Variants in LRRFIP2 observed in about 807,000 individuals in gnomAD.
LRRFIP2 encodes leucine-rich repeat flightless-interacting protein 2.
LRRFIP2 carries 109 observed loss-of-function variants against 125.9 expected under a neutral mutation model. That is an observed-to-expected ratio of 0.87 (90% CI 0.74 to 1.01). The LOEUF is 1.01. Among genes scored for constraint, LRRFIP2 ranks in the 50% least tolerant of loss-of-function variants. The probability of loss-of-function intolerance (pLI) is 0.00; values close to 1 mark genes in which losing one functional copy is unlikely to be tolerated. For synonymous variants in LRRFIP2, 291 were observed against 293.1 expected, an observed-to-expected ratio of 0.99 and a Z score of 0.07; for missense variants, 850 against 862.3, an observed-to-expected ratio of 0.99 and a Z score of 0.18.
chr3:37,082,680 T>C (rs1559756809), intron 19 of LRRFIP2, among the ~76,000 whole-genome samples: 1 of 152,222 alleles, frequency 6.6e-6, no homozygotes, highest in Non-Finnish European at 1.5e-5. Context: ...AAATCCTCTG[T>C]GCTCTGGTCT....
At chr3:37,096,451 C>G (rs1338206600) in intron 16 of LRRFIP2, among the ~76,000 whole-genome samples, 165 bp downstream of exon 16, 3 of 152,128 alleles carry the variant, frequency 2.0e-5, no homozygotes, top group Non-Finnish European at 4.4e-5. Context: ...CAGGGCCTCA[C>G]ATGATTTAAC....
At chr3:37,119,879 C>T (rs1188208249) in intron 6 of LRRFIP2, among the ~76,000 whole-genome samples, 1 of 151,980 alleles carries the variant, frequency 6.6e-6, no homozygotes, top group African/African-American at 2.4e-5. Context: ...CCAGGTTGGT[C>T]TGGAACTCTG....
intron 1 of LRRFIP2, among the ~76,000 whole-genome samples, chr3:37,161,553 G>A (rs1006621154): frequency 1.3e-5 from 2 of 152,016 alleles, no homozygotes; most frequent in Non-Finnish European, 2.9e-5. Flanking sequence ...ACAAAGTCTC[G>A]GGTAAAGAGG....
Position 37,108,482 on chromosome 3 carries a change from C to T in LRRFIP2, c.657+155G>A, listed in dbSNP as rs571233843. Among the ~76,000 whole-genome samples, 241 of 152,326 alleles carry T rather than the reference C, an allele frequency of 1.6e-3. 1 individual carries two copies. Among genetic ancestry groups the T allele is most frequent in the African/African-American group, 5.5e-3 (228 of 41,588 alleles). ...GAGTCACAACTGGCTAGCTCAATGA[C>T]TTGATCACAGCTTAGAGAGTAATTC... On this transcript the variant is annotated intron_variant, in intron 12 of 27. Coordinates refer to ENST00000336686, the MANE Select transcript of LRRFIP2 (RefSeq NM_006309.4).
intron 2 of LRRFIP2, among the ~76,000 whole-genome samples, chr3:37,143,306 T>A (rs1006130426): frequency 6.6e-6 from 1 of 152,214 alleles, no homozygotes; most frequent in Non-Finnish European, 1.5e-5. Context: ...TATGTTGAAT[T>A]CTCCATCTAC....
intron 1 of LRRFIP2, among the ~76,000 whole-genome samples, chr3:37,165,065 C>G (rs2096443791): frequency 6.6e-6 from 1 of 151,882 alleles, no homozygotes; most frequent in South Asian, 2.1e-4. Flanking sequence ...GAAACCCCAT[C>G]TCTACTAAAA....
intron 7 of LRRFIP2, 110 bp downstream of exon 7, chr3:37,114,944 C>T: frequency 4.7e-6 from 4 of 842,740 alleles, no homozygotes; most frequent in East Asian, 2.5e-5. Context: ...ACACATTTTC[C>T]CCAAAAGTTC....
intron 21 of LRRFIP2, among the ~76,000 whole-genome samples, chr3:37,070,592 C>T (rs941229479): frequency 7.9e-5 from 12 of 151,658 alleles, no homozygotes; most frequent in African/African-American, 2.7e-4. Flanking sequence ...AAAAATTAGC[C>T]GGACGTGGTG....
rs1303087385 is a variant in LRRFIP2, at chr3:37,108,769, C to T, written c.610-85G>A. 194 of 1,166,098 alleles carry T rather than the reference C, an allele frequency of 1.7e-4. 3 individuals are homozygous for T. The South Asian group carries it at 2.3e-3, about 14-fold the overall frequency. 72.2% of individuals were successfully genotyped at this position (1,166,098 alleles called of 1,614,324 possible). ...TTAATGTTTTCACAATACTCAGTAC[C>T]AAAAAAGTTTTGGAGAATGATATAA... is the stretch of plus-strand genomic sequence containing the variant. On this transcript the variant is annotated intron_variant, in intron 11 of 27. Transcript: ENST00000336686.
intron 13 of LRRFIP2, among the ~76,000 whole-genome samples, chr3:37,107,579 TA>T (rs1441277952): frequency 2.6e-5 from 4 of 152,218 alleles, no homozygotes; most frequent in African/African-American, 9.6e-5. Flanking sequence ...TATAAACTTT[TA>T]AAAATACTCT....
intron 2 of LRRFIP2, among the ~76,000 whole-genome samples, chr3:37,132,516 G>T (rs1211615287): frequency 6.6e-6 from 1 of 152,168 alleles, no homozygotes; most frequent in Non-Finnish European, 1.5e-5. Context: ...CCTTCCCTTT[G>T]TTACTTAGCC....
chr3:37,075,233 T>G, intron 19 of LRRFIP2, 117 bp from the exon 20 acceptor site: 1 of 539,744 alleles, frequency 1.9e-6, no homozygotes, highest in Non-Finnish European at 3.2e-6. Context: ...AACTCCTGAT[T>G]CATAGTAACT....
chr3:37,062,769 ACAT>A lies in LRRFIP2; in HGVS notation c.1749+970_1749+972del, dbSNP rs751202619. 5.3e-5 allele frequency among the ~76,000 whole-genome samples: 8 copies of A among 152,328 alleles called. 1 individual carries two copies. The South Asian group carries it at 8.3e-4, about 16-fold the overall frequency. ...AATCAAGTGAGAGGGTAGAATGAAG[ACAT>A]CTTCAGGCCTGCAAGGTCATGAAAA... On this transcript the variant is annotated intron_variant, in intron 24 of 27. Transcript: ENST00000336686.
chr3:37,092,497 T>C (rs2093500832), intron 17 of LRRFIP2, among the ~76,000 whole-genome samples: 1 of 152,164 alleles, frequency 6.6e-6, no homozygotes, highest in Admixed American at 6.6e-5. Context: ...TAACACTTCC[T>C]TCAAGAAGGT....
chr3:37,134,963 G>C, intron 2 of LRRFIP2: 1 of 1,503,098 alleles, frequency 6.7e-7, no homozygotes, highest in South Asian at 1.1e-5. Flanking sequence ...TATTTCTAAA[G>C]TTCTTTTATC....
rs551714375 is a variant in LRRFIP2 at position 37,108,212 on chromosome 3, A to C, written c.658-83T>G. On this transcript the variant is annotated intron_variant, in intron 12 of 27. Coordinates refer to ENST00000336686, the MANE Select transcript of LRRFIP2 (RefSeq NM_006309.4). ...AGAATACATTAGGGACCATTTACCT[A>C]ACTTGCCCCTGGTTCTCAAGATAAA... 1.3e-5 allele frequency: 14 copies of C among 1,095,006 alleles called. No homozygotes were observed. In the South Asian group the frequency reaches 1.8e-4, roughly 14 times the overall value. 67.8% of individuals were successfully genotyped at this position (1,095,006 alleles called of 1,614,324 possible).
chr3:37,116,115 A>T (rs1165156873), intron 6 of LRRFIP2, among the ~76,000 whole-genome samples: 1 of 152,156 alleles, frequency 6.6e-6, no homozygotes, highest in Non-Finnish European at 1.5e-5. Flanking sequence ...TCATAAAATC[A>T]ACTTAGTAGG....
intron 1 of LRRFIP2, among the ~76,000 whole-genome samples, chr3:37,165,920 C>T (rs2096479497): frequency 6.6e-6 from 1 of 151,224 alleles, no homozygotes; most frequent in Non-Finnish European, 1.5e-5. Context: ...GAGCTAAAAC[C>T]ATAAAACTCG....
chr3:37,156,154 C>G (rs1413447448), intron 1 of LRRFIP2, among the ~76,000 whole-genome samples: 2 of 152,094 alleles, frequency 1.3e-5, no homozygotes, highest in African/African-American at 4.8e-5. Flanking sequence ...GGATTACAGA[C>G]GAAAGCCACC....
Sources: gnomAD v4.1 joint callset for allele counts (sites outside exome capture counted in the v4.1 genomes callset) on GRCh38, gnomAD v4.1.1 for gene constraint, MANE v1.5 for transcripts, NCBI Gene and HGNC (gene_info 2026-07-23, HGNC 2026-07-21) for gene names.